Variants in ABCD3 observed in about 807,000 individuals in gnomAD.
The protein encoded by ABCD3 is ATP-binding cassette sub-family D member 3.
ABCD3 carries 41 observed loss-of-function variants against 105.5 expected under a neutral mutation model. That is an observed-to-expected ratio of 0.39 (90% CI 0.30 to 0.50). The LOEUF (loss-of-function observed/expected upper bound fraction) is 0.50. Among genes scored for constraint, ABCD3 ranks in the 20% least tolerant of loss-of-function variants. ABCD3 has a pLI of 0.84. For synonymous variants in ABCD3, 258 were observed against 269.0 expected (o/e 0.96, Z 0.40); for missense variants, 622 against 806.3 (o/e 0.77, Z 2.77).
At chr1:94,467,574 A>G (rs573189686) in intron 3 of ABCD3, among the ~76,000 whole-genome samples, 107 of 152,344 alleles carry the variant, frequency 7.0e-4, no homozygotes, top group Non-Finnish European at 1.4e-3. Context: ...ATGTCAAAAT[A>G]TAAGAAAATC....
At chr1:94,485,168 GCTTTA>G (rs1424132383) in intron 10 of ABCD3, among the ~76,000 whole-genome samples, 31 of 152,252 alleles carry the variant, frequency 2.0e-4, no homozygotes, top group African/African-American at 7.5e-4. Context: ...TCTTGTGAAA[GCTTTA>G]CTTCAGTTTT....
chr1:94,462,538 G>A (rs1647930084), intron 2 of ABCD3, among the ~76,000 whole-genome samples: 1 of 152,144 alleles, frequency 6.6e-6, no homozygotes, highest in South Asian at 2.1e-4. Context: ...AATCCATCAG[G>A]TTTCAGTCAG....
intron 20 of ABCD3, among the ~76,000 whole-genome samples, chr1:94,500,022 C>A (rs569155177): frequency 1.3e-5 from 2 of 152,226 alleles, no homozygotes; most frequent in Non-Finnish European, 2.9e-5. Context: ...GTATTAGAAA[C>A]GATCCATTCA....
intron 21 of ABCD3, 87 bp from the exon 22 acceptor site, chr1:94,515,059 C>T (rs1650857092): frequency 9.6e-7 from 1 of 1,043,582 alleles, no homozygotes; most frequent in Non-Finnish European, 1.5e-6. Flanking sequence ...TCACTGAAGA[C>T]TGTCCTCTTA....
chr1:94,475,465 A>G, intron 6 of ABCD3, 149 bp from the exon 7 acceptor site: 1 of 846,052 alleles, frequency 1.2e-6, no homozygotes, highest in Non-Finnish European at 1.8e-6. Context: ...CTCTCTAAAA[A>G]TCAGTTAGGG....
chr1:94,385,961 G>A, the ABCD3 span, among the ~76,000 whole-genome samples: 7 of 149,700 alleles, frequency 4.7e-5, no homozygotes, highest in Non-Finnish European at 1.0e-4. Flanking sequence ...CTTCCTTCTC[G>A]ATACCTGATA....
At chr1:94,418,710 C>A in intron 1 of ABCD3, 122 bp downstream of exon 1, 1 of 980,736 alleles carries the variant, frequency 1.0e-6, no homozygotes, top group Non-Finnish European at 1.5e-6. Context: ...AGAGGGCCGA[C>A]CGCGACTGCC....
chr1:94,408,582 AG>A, the ABCD3 span, among the ~76,000 whole-genome samples: 1 of 152,164 alleles, frequency 6.6e-6, no homozygotes, highest in Non-Finnish European at 1.5e-5. Flanking sequence ...TGACAGAGCA[AG>A]ACTCCATCTC....
chr1:94,387,841 A>G, the ABCD3 span, among the ~76,000 whole-genome samples: 1 of 152,154 alleles, frequency 6.6e-6, no homozygotes, highest in Non-Finnish European at 1.5e-5. Context: ...CCCAACTTTT[A>G]TTCCTCCTGG....
chr1:94,475,116 C>A (rs1426220272), intron 5 of ABCD3, 27 bp from the exon 6 acceptor site: 2 of 1,428,928 alleles, frequency 1.4e-6, no homozygotes, highest in Non-Finnish European at 1.9e-6. Flanking sequence ...AAAAGCAAAA[C>A]CAATAATATT....
At chr1:94,392,236 G>A in the ABCD3 span, among the ~76,000 whole-genome samples, 2 of 152,192 alleles carry the variant, frequency 1.3e-5, no homozygotes, top group African/African-American at 2.4e-5. Flanking sequence ...GAAATGACAT[G>A]TGTTCGTTCC....
intron 1 of ABCD3, among the ~76,000 whole-genome samples, chr1:94,422,146 T>G (rs1269508321): frequency 6.6e-6 from 1 of 152,186 alleles, no homozygotes; most frequent in Non-Finnish European, 1.5e-5. Flanking sequence ...CAAACTGATG[T>G]AAGTGTCCTC....
At chr1:94,449,311 C>A (rs978934623) in intron 1 of ABCD3, among the ~76,000 whole-genome samples, 5 of 152,190 alleles carry the variant, frequency 3.3e-5, no homozygotes, top group Non-Finnish European at 5.9e-5. Flanking sequence ...GGGGACAGAT[C>A]AAGAAGCTGT....
At chr1:94,505,360 A>G (rs984720984) in intron 20 of ABCD3, among the ~76,000 whole-genome samples, 45 of 139,150 alleles carry the variant, frequency 3.2e-4, no homozygotes, top group Non-Finnish European at 6.0e-4. Context: ...GAACACCACC[A>G]TGCTTGGCTA....
chr1:94,455,819 A>G (rs920827479), intron 1 of ABCD3: 1 of 1,284,100 alleles, frequency 7.8e-7, no homozygotes. Flanking sequence ...GTGTGTGTGT[A>G]CATGTGTATA....
At chr1:94,468,164 T>C (rs1320315460) in intron 4 of ABCD3, among the ~76,000 whole-genome samples, 157 bp downstream of exon 4, 1 of 152,224 alleles carries the variant, frequency 6.6e-6, no homozygotes, top group Non-Finnish European at 1.5e-5. Flanking sequence ...ATACTTAGTG[T>C]TTCCCATGTG....
At chr1:94,457,652 A>G (rs754632314) in intron 1 of ABCD3, among the ~76,000 whole-genome samples, 2 of 152,070 alleles carry the variant, frequency 1.3e-5, no homozygotes, top group Non-Finnish European at 2.9e-5. Context: ...GGCAGCATGC[A>G]TTTGCAGACT....
chr1:94,479,647 G>T (rs1283508530), intron 8 of ABCD3, among the ~76,000 whole-genome samples: 8 of 152,124 alleles, frequency 5.3e-5, no homozygotes, highest in Non-Finnish European at 1.2e-4. Context: ...TGATATCTGA[G>T]CTACTTTGGG....
At chr1:94,457,550 A>G (rs1216436578) in intron 1 of ABCD3, among the ~76,000 whole-genome samples, 2 of 152,000 alleles carry the variant, frequency 1.3e-5, no homozygotes, top group Non-Finnish European at 2.9e-5. Flanking sequence ...TGAAATCCTG[A>G]CAGCCCCCTC....
Sources: allele counts gnomAD v4.1 joint callset (sites outside exome capture counted in the v4.1 genomes callset), GRCh38; gene constraint gnomAD v4.1.1; transcripts MANE v1.5; gene names NCBI Gene and HGNC (gene_info 2026-07-23, HGNC 2026-07-21).